The following PPM1E variants were observed in gnomAD, a reference collection of about 807,000 sequenced individuals.
The protein encoded by PPM1E is protein phosphatase, Mg2+/Mn2+ dependent 1E.
Under a neutral mutation model 65.9 loss-of-function variants are expected in PPM1E, and 20 were observed. The observed-to-expected ratio is 0.30, with a 90% CI of 0.21 to 0.44. PPM1E has a LOEUF of 0.44. Among genes scored for constraint, PPM1E ranks in the 20% least tolerant of loss-of-function variants. The pLI is 1.00. For missense variants in PPM1E, 713 were observed against 953.1 expected (o/e 0.75, Z 3.32); for synonymous variants, 352 against 374.9 (o/e 0.94, Z 0.70).
At chr17:58,979,318 C>T (rs956311614) in intron 6 of PPM1E, among the ~76,000 whole-genome samples, 3 of 152,120 alleles carry the variant, frequency 2.0e-5, no homozygotes, top group African/African-American at 7.2e-5. Context: ...AATAGAAAGC[C>T]AAGTGGGTTG....
At chr17:58,909,924 CTTTTTTTTTT>C (rs35833275) in intron 1 of PPM1E, among the ~76,000 whole-genome samples, 2 of 90,038 alleles carry the variant, frequency 2.2e-5, no homozygotes, top group African/African-American at 4.4e-5. Flanking sequence ...TTTTCTTTTT[CTTTTTTTTTT>C]TTTTTTTTTT....
At chr17:58,770,849 C>CTGTAACTT (rs2049930336) in intron 1 of PPM1E, among the ~76,000 whole-genome samples, 2 of 150,462 alleles carry the variant, frequency 1.3e-5, no homozygotes, top group Non-Finnish European at 3.0e-5. Context: ...TTCTATTTTA[C>CTGTAACTT]TGTAACTTTT....
At chr17:58,955,216 T>G (rs2029868119) in intron 1 of PPM1E, among the ~76,000 whole-genome samples, 1 of 152,058 alleles carries the variant, frequency 6.6e-6, no homozygotes. Context: ...AATACAAAAA[T>G]TAGCTGGGCA....
chr17:58,953,102 T>C (rs1160932070), intron 1 of PPM1E, among the ~76,000 whole-genome samples: 3 of 152,246 alleles, frequency 2.0e-5, no homozygotes, highest in Admixed American at 6.5e-5. Context: ...TGGTGTGGCA[T>C]AGGATAATCT....
intron 1 of PPM1E, among the ~76,000 whole-genome samples, chr17:58,894,478 G>A (rs2051387482): frequency 2.0e-5 from 3 of 152,034 alleles, no homozygotes; most frequent in African/African-American, 4.8e-5. Flanking sequence ...GACACTGCAT[G>A]GATTTGGATT....
chr17:58,863,883 C>T (rs117115453), intron 1 of PPM1E, among the ~76,000 whole-genome samples: 1 of 152,222 alleles, frequency 6.6e-6, no homozygotes, highest in East Asian at 1.9e-4. Context: ...GTGCTTCTCT[C>T]TTCTGTGTGT....
intron 1 of PPM1E, among the ~76,000 whole-genome samples, chr17:58,796,008 T>C (rs1395507456): frequency 1.3e-5 from 2 of 152,218 alleles, no homozygotes; most frequent in Non-Finnish European, 2.9e-5. Context: ...ACAGTTTCTT[T>C]TGCTGTGAAG....
chr17:58,965,890 A>G lies in PPM1E; in HGVS notation c.780A>G (p.Leu260=). 1 of 1,613,992 alleles carries G rather than the reference A, an allele frequency of 6.2e-7. No individual in the cohort carries two copies. The highest frequency in any genetic ancestry group is 8.5e-7 in the Non-Finnish European group (1 of 1,179,870). Reference sequence around the variant, plus strand: ...CTGACTTTAATATGCTCTTCAACCTAGAGGTAAAGGGCACTTTCGGAGAGT... The same window carrying G: ...CTGACTTTAATATGCTCTTCAACCTGGAGGTAAAGGGCACTTTCGGAGAGT... ...CIPDFNMLFN[L]EDQEEQAYFA... The change falls in exon 3 of 7, where the codon CTA becomes CTG. Residue 260 remains leucine, a synonymous_variant. Transcript: ENST00000308249.
chr17:58,767,814 G>T (rs1349867419), intron 1 of PPM1E, among the ~76,000 whole-genome samples: 1 of 151,718 alleles, frequency 6.6e-6, no homozygotes, highest in Non-Finnish European at 1.5e-5. Context: ...GGCTAATTTT[G>T]TATTTTTAGT....
chr17:58,895,982 G>A (rs2051409438), intron 1 of PPM1E, among the ~76,000 whole-genome samples: 1 of 151,230 alleles, frequency 6.6e-6, no homozygotes, highest in Non-Finnish European at 1.5e-5. Flanking sequence ...GGGTGTGGTG[G>A]CAGGTACCTG....
intron 4 of PPM1E, 47 bp downstream of exon 4, chr17:58,969,774 C>A: frequency 6.4e-7 from 1 of 1,572,934 alleles, no homozygotes; most frequent in Non-Finnish European, 8.7e-7. Context: ...ACTAGCTGAG[C>A]TCAATTTGGT....
intron 1 of PPM1E, among the ~76,000 whole-genome samples, chr17:58,880,334 G>T (rs1412064723): frequency 2.6e-5 from 4 of 152,148 alleles, no homozygotes; most frequent in African/African-American, 7.2e-5. Context: ...CAATATGTCA[G>T]AGTGGTATAT....
chr17:58,801,377 C>T (rs2050256193), intron 1 of PPM1E, among the ~76,000 whole-genome samples: 1 of 150,630 alleles, frequency 6.6e-6, no homozygotes, highest in East Asian at 1.9e-4. Context: ...ATGAATTAAC[C>T]ATTTTATTTT....
At chr17:58,888,864 A>T (rs2051312919) in intron 1 of PPM1E, among the ~76,000 whole-genome samples, 1 of 152,246 alleles carries the variant, frequency 6.6e-6, no homozygotes. Flanking sequence ...GGTGCAGGCC[A>T]TTCAGCAAGA....
chr17:58,913,786 TAG>T (rs537054107), intron 1 of PPM1E, among the ~76,000 whole-genome samples: 19 of 152,182 alleles, frequency 1.2e-4, no homozygotes, highest in Non-Finnish European at 2.2e-4. Context: ...TCCATCAAAA[TAG>T]AGAGTCTGAA....
At chr17:58,895,629 AC>A (rs2051403308) in intron 1 of PPM1E, among the ~76,000 whole-genome samples, 1 of 151,998 alleles carries the variant, frequency 6.6e-6, no homozygotes, top group African/African-American at 2.4e-5. Flanking sequence ...CAACAGTGAG[AC>A]CCCCATCTCT....
chr17:58,879,495 G>A (rs2051165365), intron 1 of PPM1E, among the ~76,000 whole-genome samples: 1 of 134,610 alleles, frequency 7.4e-6, no homozygotes, highest in Admixed American at 7.6e-5. Context: ...TAGGTGCTGA[G>A]ATTAACTTTT....
intron 1 of PPM1E, among the ~76,000 whole-genome samples, chr17:58,882,861 A>AT (rs1394026041): frequency 1.5e-5 from 2 of 135,654 alleles, no homozygotes; most frequent in Non-Finnish European, 3.2e-5. Context: ...CTCCTCTCCT[A>AT]TTTTTTCTGT....
intron 1 of PPM1E, among the ~76,000 whole-genome samples, chr17:58,862,279 T>C (rs576797843): frequency 6.6e-6 from 1 of 152,324 alleles, no homozygotes; most frequent in South Asian, 2.1e-4. Context: ...CAATTTAGTT[T>C]TGATTATTCT....
Sources: gnomAD v4.1 joint callset for allele counts (sites outside exome capture counted in the v4.1 genomes callset) on GRCh38, gnomAD v4.1.1 for gene constraint, MANE v1.5 for transcripts, NCBI Gene and HGNC (gene_info 2026-07-23, HGNC 2026-07-21) for gene names.